Variants in DNAH9 observed in about 807,000 individuals in gnomAD.
DNAH9 encodes dynein axonemal heavy chain 9, also known as DNAH9 variant protein.
Under a neutral mutation model 471.6 loss-of-function variants are expected in DNAH9, and 345 were observed. The observed-to-expected ratio is 0.73, with a 90% CI of 0.67 to 0.80. The LOEUF (loss-of-function observed/expected upper bound fraction) is 0.80, where lower values mean the gene tolerates loss of function less well. DNAH9 is among the 30% of genes least tolerant of loss of function. DNAH9 has a pLI of 0.00. For synonymous variants in DNAH9, 2,093 were observed against 2,123.6 expected (o/e 0.99, Z 0.40); for missense variants, 5,407 against 5,609.2 (o/e 0.96, Z 1.15).
chr17:11,902,548 A>G (rs1222166723), intron 59 of DNAH9, among the ~76,000 whole-genome samples, 171 bp from the exon 60 acceptor site: 2 of 152,210 alleles, frequency 1.3e-5, no homozygotes, highest in Non-Finnish European at 2.9e-5. Context: ...AAGCTGCTCA[A>G]AATTCTTCCT....
In DNAH9 at chr17:11,606,443, C is replaced by CTTTTTTTTTTTTTTTTTTTTTTTTTTT. The variant is rs1404986645; in HGVS notation, c.418-1682_418-1681insTTTTTTTTTTTTTTTTTTTTTTTTTTT. 5.8e-5 allele frequency among the ~76,000 whole-genome samples: 4 copies of CTTTTTTTTTTTTTTTTTTTTTTTTTTT among 69,124 alleles called. 1 individual carries two copies. The highest frequency in any genetic ancestry group is 1.1e-4 in the African/African-American group (2 of 18,016). 45.3% of individuals were successfully genotyped at this position (69,124 alleles called of 152,430 possible). A position where few individuals can be genotyped will look rare whatever the true frequency, so the allele number is the denominator to read the frequency against. On this transcript the variant is annotated intron_variant, in intron 1 of 68. Transcript: ENST00000262442. ...CTGACAACTTTCTTTCTTTTCTTTT[C>CTTTTTTTTTTTTTTTTTTTTTTTTTTT]TTTTCTTTTCTTTTTTTTTTTTTTG...
At chr17:11,651,466 C>A in intron 13 of DNAH9, 142 bp downstream of exon 13, 1 of 826,706 alleles carries the variant, frequency 1.2e-6, no homozygotes, top group Non-Finnish European at 1.8e-6. Flanking sequence ...CATATCCAAG[C>A]AGAGAAGGCA....
intron 48 of DNAH9, among the ~76,000 whole-genome samples, chr17:11,828,315 A>G (rs984990461): frequency 6.6e-6 from 1 of 151,984 alleles, no homozygotes; most frequent in Non-Finnish European, 1.5e-5. Flanking sequence ...CTCCACAAAA[A>G]TATAAAAAAT....
At chr17:11,715,291 G>A (rs1041534023) in intron 26 of DNAH9, among the ~76,000 whole-genome samples, 1 of 152,060 alleles carries the variant, frequency 6.6e-6, no homozygotes, top group Non-Finnish European at 1.5e-5. Flanking sequence ...CAAATATCTT[G>A]TCTCATAGTA....
At chr17:11,881,602 A>G (rs932173534) in intron 55 of DNAH9, among the ~76,000 whole-genome samples, 189 bp downstream of exon 55, 7 of 152,154 alleles carry the variant, frequency 4.6e-5, no homozygotes, top group African/African-American at 1.7e-4. Context: ...GGTGAGCTGA[A>G]GAACAGAAGC....
intron 50 of DNAH9, among the ~76,000 whole-genome samples, chr17:11,856,911 G>T (rs1427324874): frequency 1.3e-5 from 2 of 151,954 alleles, no homozygotes; most frequent in Non-Finnish European, 2.9e-5. Context: ...AAGGGGTCTT[G>T]CTATGTTGCC....
chr17:11,904,562 C>T (rs1332571776), intron 60 of DNAH9, among the ~76,000 whole-genome samples: 6 of 140,742 alleles, frequency 4.3e-5, no homozygotes, highest in African/African-American at 1.4e-4. Flanking sequence ...CTGGTGGAGG[C>T]GGATGTTGCA....
Position 11,830,492 on chromosome 17 carries a change from T to C in DNAH9, c.9247-4146T>C, listed in dbSNP as rs1163834842. On this transcript the variant is annotated intron_variant, in intron 48 of 68. Coordinates refer to ENST00000262442, the MANE Select transcript of DNAH9 (RefSeq NM_001372.4). ...ATCAAACTTACTGAAGTTGACAGTT[T>C]CATAATTCATGATGATGTACTAGGA... is the stretch of plus-strand genomic sequence containing the variant. Among the ~76,000 whole-genome samples, 4 of 152,348 alleles carry C rather than the reference T, an allele frequency of 2.6e-5. No homozygotes were observed. The East Asian group carries it at 5.8e-4, about 22-fold the overall frequency.
intron 43 of DNAH9, among the ~76,000 whole-genome samples, chr17:11,806,855 TA>T (rs1267620743): frequency 1.3e-5 from 2 of 152,120 alleles, no homozygotes; most frequent in African/African-American, 4.8e-5. Context: ...GTTCTTTTTA[TA>T]AAGGGTGTAG....
intron 26 of DNAH9, among the ~76,000 whole-genome samples, chr17:11,716,165 C>A (rs1166758727): frequency 6.7e-6 from 1 of 148,714 alleles, no homozygotes; most frequent in Admixed American, 6.7e-5. Context: ...CTCACTGCAA[C>A]CTCTGCCTCC....
Position 11,651,343 on chromosome 17 carries a change from A to G in DNAH9, c.2353+19A>G. On this transcript the variant is annotated intron_variant, in intron 13 of 68. Coordinates refer to ENST00000262442, the MANE Select transcript of DNAH9 (RefSeq NM_001372.4). Reference sequence around the variant, plus strand: ...ACAGAAGGTAACAGGGCACCATCTGAAGTCTGACAAAAACATGGAGATTCG... The same window carrying G: ...ACAGAAGGTAACAGGGCACCATCTGGAGTCTGACAAAAACATGGAGATTCG... 6.3e-7 allele frequency: 1 copy of G among 1,599,234 alleles called. No individual in the cohort carries two copies. Among genetic ancestry groups the G allele is most frequent in the Non-Finnish European group, 8.5e-7 (1 of 1,174,466 alleles).
chr17:11,632,041 T>C (rs1278471319), intron 7 of DNAH9, among the ~76,000 whole-genome samples: 5 of 152,256 alleles, frequency 3.3e-5, no homozygotes, highest in African/African-American at 1.2e-4. Flanking sequence ...TAGTTTTATT[T>C]GCTAAATTTG....
chr17:11,798,347 C>T (rs138359465), intron 43 of DNAH9, among the ~76,000 whole-genome samples: 32 of 146,224 alleles, frequency 2.2e-4, no homozygotes, highest in East Asian at 1.7e-3. Flanking sequence ...GCAAGAGAAT[C>T]GCTTGAACCT....
chr17:11,608,031 G>A (rs566940743), intron 1 of DNAH9, 98 bp from the exon 2 acceptor site: 4 of 887,642 alleles, frequency 4.5e-6, no homozygotes, highest in Non-Finnish European at 6.9e-6. Flanking sequence ...ACCTGCAAAA[G>A]GTTGTATATA....
chr17:11,711,564 A>G (rs1307293889), intron 26 of DNAH9, among the ~76,000 whole-genome samples: 1 of 151,886 alleles, frequency 6.6e-6, no homozygotes, highest in African/African-American at 2.4e-5. Flanking sequence ...CTGAGTTGTA[A>G]TATTTGTAGG....
At chr17:11,648,484 G>T (rs941261578) in intron 12 of DNAH9, among the ~76,000 whole-genome samples, 2 of 152,154 alleles carry the variant, frequency 1.3e-5, no homozygotes, top group African/African-American at 4.8e-5. Context: ...TAGTAATTAA[G>T]CCCTTGAGAT....
intron 26 of DNAH9, among the ~76,000 whole-genome samples, chr17:11,715,309 A>G (rs1283486817): frequency 1.3e-5 from 2 of 152,188 alleles, no homozygotes; most frequent in Non-Finnish European, 2.9e-5. Context: ...GTATCCTCAT[A>G]AGACCCTGGT....
chr17:11,689,929 C>T lies in DNAH9; in HGVS notation c.4107C>T (p.Ser1369=), dbSNP rs888187584. 1.2e-6 allele frequency: 2 copies of T among 1,610,876 alleles called. No individual in the cohort carries two copies. Among genetic ancestry groups the T allele is most frequent in the Non-Finnish European group, 1.7e-6 (2 of 1,178,518 alleles). Residue 1369 remains serine, a synonymous_variant, in exon 20 of 69, where the codon TCC becomes TCT. Transcript: ENST00000262442. ...LESTVWNTLS[S]LRAVAELQNP... ...GCACTGTGTGGAACACGCTGAGCTCCCTGAGGGCAGTAGCTGAGCTGCAGA... is the reference window on the plus strand; with the variant it reads ...GCACTGTGTGGAACACGCTGAGCTCTCTGAGGGCAGTAGCTGAGCTGCAGA...
At chr17:11,693,809 G>GGGA in intron 20 of DNAH9, 59 bp from the exon 21 acceptor site, 1 of 1,589,046 alleles carries the variant, frequency 6.3e-7, no homozygotes, top group Non-Finnish European at 8.6e-7. Flanking sequence ...GCTCCATGGA[G>GGGA]GGAGCTTCTA....
Sources: allele counts gnomAD v4.1 joint callset (sites outside exome capture counted in the v4.1 genomes callset), GRCh38; gene constraint gnomAD v4.1.1; transcripts MANE v1.5; gene names NCBI Gene and HGNC (gene_info 2026-07-23, HGNC 2026-07-21).